Variants in PCM1 observed in about 807,000 individuals in gnomAD.
The protein encoded by PCM1 is pericentriolar material 1 protein.
PCM1 carries 157 observed loss-of-function variants against 241.9 expected under a neutral mutation model. The ratio of observed to expected loss-of-function variants is 0.65; its 90% CI spans 0.57 to 0.74. PCM1 has a LOEUF of 0.74. Among genes scored for constraint, PCM1 ranks in the 30% least tolerant of loss-of-function variants. PCM1 has a pLI of 0.00. For missense variants in PCM1, 3,478 were observed against 2,360.1 expected, an observed-to-expected ratio of 1.47 and a Z score of -9.81; for synonymous variants, 1,085 against 784.9, an observed-to-expected ratio of 1.38 and a Z score of -6.39.
At chr8:18,023,934 A>G (rs1230328960) in intron 36 of PCM1, among the ~76,000 whole-genome samples, 1 of 152,248 alleles carries the variant, frequency 6.6e-6, no homozygotes, top group African/African-American at 2.4e-5. Flanking sequence ...TAGTGGTTAC[A>G]GGATAATGCT....
intron 17 of PCM1, among the ~76,000 whole-genome samples, chr8:17,963,696 T>C (rs2073590170): frequency 6.6e-6 from 1 of 152,242 alleles, no homozygotes; most frequent in Non-Finnish European, 1.5e-5. Context: ...CATTTTATTA[T>C]AATCATTTAG....
chr8:17,998,769 G>T (rs978276162), intron 29 of PCM1, among the ~76,000 whole-genome samples: 2 of 152,172 alleles, frequency 1.3e-5, no homozygotes, highest in African/African-American at 4.8e-5. Context: ...CTTCAGGGCA[G>T]TGAGTTCCCC....
chr8:18,018,749 T>G (rs370752041), intron 36 of PCM1, among the ~76,000 whole-genome samples: 5 of 149,562 alleles, frequency 3.3e-5, no homozygotes, highest in South Asian at 4.2e-4. Flanking sequence ...AGGTGGAGGT[T>G]GCAGTGAGCT....
rs1322471124 is a variant in PCM1, at chr8:18,006,401, A to G, written c.4962+4A>G. On this transcript the variant is annotated splice_donor_region_variant and intron_variant, in intron 30 of 38. Transcript: ENST00000325083. Reference sequence around the variant, plus strand: ...ACAACTTGGAAGTATATTACAGGTAAGAGTTTATACTTGTATGATTTACCA... The same window carrying G: ...ACAACTTGGAAGTATATTACAGGTAGGAGTTTATACTTGTATGATTTACCA... 1 of 1,595,896 alleles carries G rather than the reference A, an allele frequency of 6.3e-7. No individual in the cohort carries two copies. Among genetic ancestry groups the G allele is most frequent in the Non-Finnish European group, 8.6e-7 (1 of 1,163,692 alleles).
chr8:17,949,685 T>TG (rs1373035762), intron 7 of PCM1, among the ~76,000 whole-genome samples: 4 of 151,944 alleles, frequency 2.6e-5, no homozygotes, highest in South Asian at 4.1e-4. Context: ...TTTGTAGAGA[T>TG]GGGGTCTCAC....
In PCM1 at chr8:18,013,946, A is replaced by T. The variant is rs750009591; in HGVS notation, c.5512-18A>T. 6.5e-7 allele frequency: 1 copy of T among 1,541,908 alleles called. No homozygotes were observed. Among genetic ancestry groups the T allele is most frequent in the Non-Finnish European group, 8.9e-7 (1 of 1,126,554 alleles). On this transcript the variant is annotated intron_variant, in intron 34 of 38. Transcript: ENST00000325083. The stretch of plus-strand genomic sequence containing the variant: ...CATATATTTCAGGCCCTGCTATTAA[A>T]ACATTTTTCCCTTCTAGGTCCTACA...
chr8:17,974,285 T>C (rs1587478417), intron 23 of PCM1, among the ~76,000 whole-genome samples: 1 of 152,202 alleles, frequency 6.6e-6, no homozygotes, highest in South Asian at 2.1e-4. Context: ...GACAGGGCCG[T>C]TAGGCAACTC....
intron 18 of PCM1, among the ~76,000 whole-genome samples, chr8:17,965,048 C>T (rs565621001): frequency 6.6e-6 from 1 of 152,294 alleles, no homozygotes; most frequent in East Asian, 1.9e-4. Context: ...CAATCCCCTT[C>T]AGGTTTATTT....
At chr8:18,004,060 C>T (rs2090502799) in intron 29 of PCM1, among the ~76,000 whole-genome samples, 1 of 151,294 alleles carries the variant, frequency 6.6e-6, no homozygotes, top group East Asian at 1.9e-4. Flanking sequence ...AAAAAAAAAG[C>T]CTAAATGATC....
Position 17,991,610 on chromosome 8 carries a change from G to T in PCM1, c.4600G>T (p.Ala1534Ser), listed in dbSNP as rs760216069. 2 of 1,589,326 alleles carry T rather than the reference G, an allele frequency of 1.3e-6. No individual in the cohort carries two copies. Among genetic ancestry groups the T allele is most frequent in the Non-Finnish European group, 1.7e-6 (2 of 1,166,932 alleles). The part of the protein sequence containing the change: ...MREYERMKTE[A>S]ESNSNMRCTC... Reference sequence around the variant, plus strand: ...AGAATATGAGCGTATGAAGACTGAGGCTGAAAGTAACTCAAATATGAGATG... The same window carrying T: ...AGAATATGAGCGTATGAAGACTGAGTCTGAAAGTAACTCAAATATGAGATG... Residue 1534 changes from alanine to serine, a missense_variant, in exon 28 of 39, where the codon GCT becomes TCT. By Grantham distance (99) the Ala-to-Ser change is moderately conservative. Transcript: ENST00000325083.
chr8:17,966,602 T>A, intron 20 of PCM1, 129 bp downstream of exon 20: 2 of 716,618 alleles, frequency 2.8e-6, no homozygotes, highest in South Asian at 4.3e-5. Flanking sequence ...CCTTGAGAAT[T>A]TTATAAGTGG....
At position 17,985,635 on chromosome 8, in the gene PCM1, C is replaced by T. The variant is rs878891292; in HGVS notation, c.4281+16C>T. On this transcript the variant is annotated intron_variant, in intron 25 of 38. Coordinates refer to ENST00000325083, the MANE Select transcript of PCM1 (RefSeq NM_006197.4). ...TGCATTGCAGGTATCTGGTACCTAA[C>T]ATAATTTTTCCTACCCTATTATCAC... is the stretch of plus-strand genomic sequence containing the variant. 6 of 1,583,518 alleles carry T rather than the reference C, an allele frequency of 3.8e-6. No homozygotes were observed. In the South Asian group the frequency reaches 4.6e-5, roughly 12 times the overall value.
At chr8:17,963,004 A>G in intron 16 of PCM1, 97 bp from the exon 17 acceptor site, 1 of 773,290 alleles carries the variant, frequency 1.3e-6, no homozygotes. Context: ...TGAGAATAGA[A>G]ACCTTTGTTG....
intron 29 of PCM1, among the ~76,000 whole-genome samples, chr8:17,994,439 G>A (rs527923048): frequency 7.2e-5 from 11 of 152,246 alleles, no homozygotes; most frequent in African/African-American, 2.2e-4. Context: ...ATCTGTTGAT[G>A]GACACTTAGG....
At chr8:17,980,853 A>G in intron 24 of PCM1, 98 bp downstream of exon 24, 1 of 816,290 alleles carries the variant, frequency 1.2e-6, no homozygotes, top group Non-Finnish European at 1.9e-6. Flanking sequence ...TTTCACACGT[A>G]TCTATCATGT....
At chr8:17,993,249 A>G (rs996598584) in intron 28 of PCM1, among the ~76,000 whole-genome samples, 8 of 151,960 alleles carry the variant, frequency 5.3e-5, no homozygotes, top group African/African-American at 1.9e-4. Flanking sequence ...TATATTTTTT[A>G]TTGATTACAA....
intron 21 of PCM1, among the ~76,000 whole-genome samples, chr8:17,968,818 GT>G (rs1384284332): frequency 6.0e-5 from 9 of 150,994 alleles, no homozygotes; most frequent in Non-Finnish European, 1.2e-4. Flanking sequence ...TTTCAAGACA[GT>G]GGCATAAAAA....
At chr8:17,963,730 G>C (rs1157326439) in intron 17 of PCM1, among the ~76,000 whole-genome samples, 1 of 152,106 alleles carries the variant, frequency 6.6e-6, no homozygotes, top group Non-Finnish European at 1.5e-5. Flanking sequence ...AGTTTAAAAT[G>C]TCCATATTTA....
chr8:17,942,296 G>C (rs544154740), intron 6 of PCM1, among the ~76,000 whole-genome samples: 1 of 152,000 alleles, frequency 6.6e-6, no homozygotes, highest in Non-Finnish European at 1.5e-5. Context: ...GCGAAACCCT[G>C]TCTCTACTAA....
Sources: gnomAD v4.1 joint callset for allele counts (sites outside exome capture counted in the v4.1 genomes callset) on GRCh38, gnomAD v4.1.1 for gene constraint, MANE v1.5 for transcripts, NCBI Gene and HGNC (gene_info 2026-07-23, HGNC 2026-07-21) for gene names.